DPYS: variants seen among roughly 807,000 people sequenced by gnomAD.
DPYS encodes dihydropyrimidinase.
A neutral mutation model predicts 50.3 loss-of-function variants in DPYS; 39 were observed. The ratio of observed to expected loss-of-function variants is 0.78; its 90% CI spans 0.60 to 1.01. The LOEUF (loss-of-function observed/expected upper bound fraction) is 1.01. Among genes scored for constraint, DPYS ranks in the 50% least tolerant of loss-of-function variants. The pLI, the probability that DPYS is intolerant of heterozygous loss-of-function variation, is 0.00. For missense variants in DPYS, 659 were observed against 680.9 expected (o/e 0.97, Z 0.36); for synonymous variants, 245 against 250.7 (o/e 0.98, Z 0.22).
At chr8:104,399,576 C>T (rs1811717859) in intron 7 of DPYS, among the ~76,000 whole-genome samples, 1 of 151,872 alleles carries the variant, frequency 6.6e-6, no homozygotes, top group African/African-American at 2.4e-5. Context: ...CTTTAAGAAA[C>T]TACTTTCCTG....
At chr8:104,454,106 C>T (rs1275414183) in intron 1 of DPYS, among the ~76,000 whole-genome samples, 1 of 152,146 alleles carries the variant, frequency 6.6e-6, no homozygotes, top group Non-Finnish European at 1.5e-5. Flanking sequence ...AGTGTTCTGG[C>T]TGGGCATGGT....
chr8:104,423,586 T>C (rs533797653), intron 7 of DPYS, among the ~76,000 whole-genome samples: 5 of 152,322 alleles, frequency 3.3e-5, no homozygotes, highest in African/African-American at 1.2e-4. Context: ...TAATGGGATT[T>C]TCTCCACTAC....
At chr8:104,423,906 C>T in intron 7 of DPYS, 2 of 845,784 alleles carry the variant, frequency 2.4e-6, no homozygotes, top group Non-Finnish European at 2.8e-6. Context: ...TTCAATTCAA[C>T]CCTTTTCAAA....
Position 104,392,887 on chromosome 8 carries a change from A to G in DPYS, c.1340T>C (p.Val447Ala). Residue 447 changes from valine to alanine, a missense_variant, in exon 8 of 10, where the codon GTA (valine) becomes GCA (alanine). Coordinates refer to ENST00000351513, the MANE Select transcript of DPYS (RefSeq NM_001385.3). ...GACACTGAACACTCCGGCTTCATATACCACTTTGCCTCTTGAAATAGTCAC... is the reference window on the plus strand; with the variant it reads ...GACACTGAACACTCCGGCTTCATATGCCACTTTGCCTCTTGAAATAGTCAC... Reference protein sequence around the residue: ...PLVTISRGKVVYEAGVFSVTA... With the variant: ...PLVTISRGKVAYEAGVFSVTA... The G allele has an allele frequency of 6.2e-7, 1 of 1,614,178 alleles. No homozygotes were observed. The highest frequency in any genetic ancestry group is 1.1e-5 in the South Asian group (1 of 91,086).
At chr8:104,424,095 A>C in intron 7 of DPYS, 152 bp downstream of exon 7, 2 of 1,524,520 alleles carry the variant, frequency 1.3e-6, no homozygotes, top group South Asian at 2.5e-5. Context: ...GCACATCAAA[A>C]CCTTTATCTT....
chr8:104,396,593 G>A (rs1459840822), intron 7 of DPYS, among the ~76,000 whole-genome samples: 1 of 152,052 alleles, frequency 6.6e-6, no homozygotes, highest in East Asian at 1.9e-4. Context: ...AATATCAATG[G>A]AAAAACTGGT....
chr8:104,432,006 A>T (rs1384787727), intron 4 of DPYS, among the ~76,000 whole-genome samples: 3 of 152,102 alleles, frequency 2.0e-5, no homozygotes, highest in East Asian at 1.9e-4. Flanking sequence ...CATTTACTAC[A>T]CTTAGCTGGT....
chr8:104,428,248 G>A (rs765453059), intron 5 of DPYS, 127 bp from the exon 6 acceptor site: 40 of 1,268,546 alleles, frequency 3.2e-5, no homozygotes, highest in Non-Finnish European at 4.4e-5. Flanking sequence ...AATGGAGAAT[G>A]AGCAGTTTTT....
intron 4 of DPYS, among the ~76,000 whole-genome samples, chr8:104,435,532 T>C (rs1433873059): frequency 6.6e-6 from 1 of 151,726 alleles, no homozygotes; most frequent in African/African-American, 2.4e-5. Context: ...CAATTACTTT[T>C]GCACCAGCCT....
intron 9 of DPYS, among the ~76,000 whole-genome samples, 172 bp from the exon 10 acceptor site, chr8:104,380,015 C>T (rs895368926): frequency 2.6e-5 from 4 of 152,166 alleles, no homozygotes; most frequent in African/African-American, 9.6e-5. Context: ...TCTTGCTAAT[C>T]TTTCCCTGAA....
At chr8:104,400,818 A>G (rs1467612143) in intron 7 of DPYS, among the ~76,000 whole-genome samples, 1 of 152,264 alleles carries the variant, frequency 6.6e-6, no homozygotes, top group Non-Finnish European at 1.5e-5. Context: ...CCCTGAAAAC[A>G]TTAAGCTATT....
chr8:104,405,346 A>T (rs924651620), intron 7 of DPYS, among the ~76,000 whole-genome samples: 15 of 152,152 alleles, frequency 9.9e-5, no homozygotes, highest in African/African-American at 3.4e-4. Flanking sequence ...ACCCCACTCT[A>T]TTCTCCTGCC....
chr8:104,379,809 G>A lies in DPYS; in HGVS notation c.*49C>T, dbSNP rs1389730798. The stretch of plus-strand genomic sequence containing the variant: ...TGGGTTGACAATGTTTGGCTGTGAA[G>A]GGAATGGCAGCCTCCTTTCCTCTGA... On this transcript the variant is annotated 3_prime_UTR_variant, in exon 10 of 10. Coordinates refer to ENST00000351513, the MANE Select transcript of DPYS (RefSeq NM_001385.3). 13 of 456,544 alleles carry A rather than the reference G, an allele frequency of 2.8e-5. 1 individual carries two copies. Among genetic ancestry groups the A allele is most frequent in the South Asian group, 2.0e-4 (13 of 64,560 alleles). 28.3% of individuals were successfully genotyped at this position (456,544 alleles called of 1,614,324 possible).
chr8:104,387,931 G>A (rs759985393), intron 8 of DPYS, among the ~76,000 whole-genome samples: 4 of 152,030 alleles, frequency 2.6e-5, no homozygotes, highest in Non-Finnish European at 5.9e-5. Context: ...TCCTTCTCTG[G>A]CTGTTTTCAA....
At chr8:104,449,711 G>A (rs1813665254) in intron 2 of DPYS, among the ~76,000 whole-genome samples, 1 of 152,198 alleles carries the variant, frequency 6.6e-6, no homozygotes. Context: ...ATATGAAGAT[G>A]AAGGCAGAGA....
At chr8:104,463,285 A>C (rs1292348660) in intron 1 of DPYS, among the ~76,000 whole-genome samples, 1 of 152,240 alleles carries the variant, frequency 6.6e-6, no homozygotes, top group East Asian at 1.9e-4. Flanking sequence ...TATAAACTGA[A>C]TACCTGCAGT....
rs142452664 is a variant in DPYS at position 104,379,710 on chromosome 8, G to A, written c.*148C>T. 2.0e-3 allele frequency: 857 copies of A among 429,114 alleles called. 7 individuals carry two copies. Among genetic ancestry groups the A allele is most frequent in the African/African-American group, 0.016 (767 of 48,784 alleles). The allele number at this position is 429,114 out of a possible 1,614,324, so 26.6% of individuals were successfully genotyped here. A position where few individuals can be genotyped will look rare whatever the true frequency, so the allele number is the denominator to read the frequency against. ...AGAAAGACAGCAATTGCTTCTGAAA[G>A]AAAATCAAAGAAGCCTATAGTGGTG... On this transcript the variant is annotated 3_prime_UTR_variant, in exon 10 of 10. Transcript: ENST00000351513.
At position 104,447,384 on chromosome 8, in the gene DPYS, C is replaced by G; in HGVS notation, c.543G>C (p.Arg181=). 1 of 1,614,078 alleles carries G rather than the reference C, an allele frequency of 6.2e-7. No individual in the cohort carries two copies. Among genetic ancestry groups the G allele is most frequent in the Non-Finnish European group, 8.5e-7 (1 of 1,180,008 alleles). ...GGGCAATTGCTCCAATTTCCTTGCA[C>G]CGAGAGAAGGCTTCGTACAGCTCCA... is the stretch of plus-strand genomic sequence containing the variant. ...TDLELYEAFS[R]CKEIGAIAQV... Residue 181 remains arginine, a synonymous_variant, in exon 3 of 10, where the codon CGG becomes CGC. Transcript: ENST00000351513.
chr8:104,411,492 T>C (rs905447389), intron 7 of DPYS, among the ~76,000 whole-genome samples: 1 of 152,018 alleles, frequency 6.6e-6, no homozygotes, highest in Non-Finnish European at 1.5e-5. Flanking sequence ...GGCACAATCA[T>C]AGCACAGGAT....
Sources: allele counts gnomAD v4.1 joint callset (sites outside exome capture counted in the v4.1 genomes callset), GRCh38; gene constraint gnomAD v4.1.1; transcripts MANE v1.5; gene names NCBI Gene and HGNC (gene_info 2026-07-23, HGNC 2026-07-21).